SMARCA5: variants seen among roughly 807,000 people sequenced by gnomAD.
SMARCA5 encodes the protein SWI/SNF-related matrix-associated actin-dependent regulator of chromatin subfamily A member 5.
In SMARCA5, 18 loss-of-function variants were observed where a neutral mutation model predicts 140.4. The ratio of observed to expected loss-of-function variants is 0.13; its 90% CI spans 0.09 to 0.19. SMARCA5 has a LOEUF of 0.19. Among genes scored for constraint, SMARCA5 ranks in the 10% least tolerant of loss-of-function variants. The probability of loss-of-function intolerance (pLI) is 1.00; values close to 1 mark genes in which losing one functional copy is unlikely to be tolerated. For synonymous variants in SMARCA5, 449 were observed against 419.6 expected (o/e 1.07, Z -0.86); for missense variants, 606 against 1,276.8 (o/e 0.47, Z 8.01).
At position 143,521,589 on chromosome 4, in the gene SMARCA5, T is replaced by C. The variant is rs751905457; in HGVS notation, c.413T>C (p.Val138Ala). Residue 138 changes from valine (V) to alanine (A), a missense_variant, in exon 3 of 24, where the codon GTT becomes GCT. By Grantham distance (64) the Val-to-Ala change is moderately conservative (BLOSUM62 0). This residue lies in a region of SMARCA5 where 110 missense variants were observed against 287.7 expected (regional missense o/e 0.38). Coordinates refer to ENST00000283131, the MANE Select transcript of SMARCA5 (RefSeq NM_003601.4). ...GATGAGAAGCAGAACTTACTATCCG[T>C]TGGCGAGTGAGTAATAGTTTAAACT... ...KKDEKQNLLSVGDYRHRRTEQ... is the reference protein window; with the variant it reads ...KKDEKQNLLSAGDYRHRRTEQ... 9 of 1,610,418 alleles carry C rather than the reference T, an allele frequency of 5.6e-6. No individual in the cohort carries two copies. Among genetic ancestry groups the C allele is most frequent in the Non-Finnish European group, 6.8e-6 (8 of 1,178,702 alleles).
chr4:143,518,493 C>T (rs1230335875), intron 2 of SMARCA5, among the ~76,000 whole-genome samples: 2 of 152,080 alleles, frequency 1.3e-5, no homozygotes, highest in Non-Finnish European at 2.9e-5. Flanking sequence ...GTCTTCAGTA[C>T]CCAGAACAGT....
At chr4:143,525,366 C>G (rs2292362) in intron 4 of SMARCA5, 85 bp from the exon 5 acceptor site, 181,861 of 819,282 alleles carry the variant, frequency 0.22, 23,581 homozygotes, top group East Asian at 0.57. Flanking sequence ...AAAATAAAGT[C>G]AGTAGATATG....
At chr4:143,541,742 G>A (rs144153499) in intron 14 of SMARCA5, among the ~76,000 whole-genome samples, 47 of 152,232 alleles carry the variant, frequency 3.1e-4, no homozygotes, top group African/African-American at 1.1e-3. Context: ...CTGCCACCCC[G>A]TGATGTTATC....
chr4:143,526,532 C>A, intron 6 of SMARCA5, 72 bp downstream of exon 6: 1 of 934,942 alleles, frequency 1.1e-6, no homozygotes, highest in Non-Finnish European at 1.7e-6. Flanking sequence ...ATGGGTATAG[C>A]TGGAAGAAGG....
Position 143,545,453 on chromosome 4 carries a change from T to C in SMARCA5, c.2284-17T>C, listed in dbSNP as rs750833452. 23 of 1,520,650 alleles carry C rather than the reference T, an allele frequency of 1.5e-5. No individual in the cohort carries two copies. The South Asian group carries it at 1.8e-4, about 12-fold the overall frequency. The allele number at this position is 1,520,650 out of a possible 1,614,324, so 94.2% of individuals were successfully genotyped here. On this transcript the variant is annotated splice_polypyrimidine_tract_variant and intron_variant, in intron 17 of 23. Coordinates refer to ENST00000283131, the MANE Select transcript of SMARCA5 (RefSeq NM_003601.4). ...ATTTCTTTTTTATGGATAACACTTA[T>C]TTTTGTTTTTCTTTAGGCTCCTCGA...
chr4:143,525,366 C>T, intron 4 of SMARCA5, 85 bp from the exon 5 acceptor site: 1 of 820,302 alleles, frequency 1.2e-6, no homozygotes, highest in South Asian at 1.4e-5. Flanking sequence ...AAAATAAAGT[C>T]AGTAGATATG....
chr4:143,516,574 TAAC>T (rs1479523247), intron 1 of SMARCA5, among the ~76,000 whole-genome samples: 3 of 152,196 alleles, frequency 2.0e-5, no homozygotes, highest in African/African-American at 7.2e-5. Flanking sequence ...CCAAGGGTCT[TAAC>T]AATGAAGTTA....
chr4:143,549,429 A>G (rs1031144918), intron 22 of SMARCA5, among the ~76,000 whole-genome samples: 4 of 152,086 alleles, frequency 2.6e-5, no homozygotes, highest in African/African-American at 9.7e-5. Context: ...TGCTACTTCT[A>G]TGTTATACTT....
chr4:143,534,258 G>C (rs1028109917), intron 9 of SMARCA5, among the ~76,000 whole-genome samples: 1 of 152,002 alleles, frequency 6.6e-6, no homozygotes, highest in African/African-American at 2.4e-5. Context: ...GTCTGGAACT[G>C]AGCCTACAAT....
chr4:143,530,448 G>T lies in SMARCA5; in HGVS notation c.1090-10G>T, dbSNP rs1365702194. The T allele has an allele frequency of 1.3e-6, 2 of 1,599,910 alleles. No individual in the cohort carries two copies. The highest frequency in any genetic ancestry group is 1.7e-6 in the Non-Finnish European group (2 of 1,171,366). ...TCTGATCTGAGTATATTTTTTGTTT[G>T]TTTATCTAGGACTTTGATTCCTGGT... On this transcript the variant is annotated splice_polypyrimidine_tract_variant and intron_variant, in intron 8 of 23. Transcript: ENST00000283131.
intron 13 of SMARCA5, 72 bp from the exon 14 acceptor site, chr4:143,540,290 CT>C (rs1737403369): frequency 8.6e-7 from 1 of 1,166,974 alleles, no homozygotes; most frequent in Admixed American, 2.7e-5. Context: ...AATTTTTTTT[CT>C]CAGTGTACCC....
intron 10 of SMARCA5, 133 bp from the exon 11 acceptor site, chr4:143,536,319 A>AT: frequency 1.5e-6 from 1 of 646,256 alleles, no homozygotes. Flanking sequence ...ATTCCTAACC[A>AT]TACCTAGAAG....
chr4:143,539,824 A>G (rs1274125700), intron 13 of SMARCA5, among the ~76,000 whole-genome samples: 1 of 152,118 alleles, frequency 6.6e-6, no homozygotes, highest in East Asian at 1.9e-4. Context: ...GGAGTGAGCT[A>G]CTACACCCAG....
chr4:143,548,600 C>T (rs984185173), intron 22 of SMARCA5, among the ~76,000 whole-genome samples: 1 of 151,976 alleles, frequency 6.6e-6, no homozygotes, highest in Non-Finnish European at 1.5e-5. Flanking sequence ...TTTTTATTCC[C>T]AATATCTGAC....
chr4:143,555,296 C>CT lies in SMARCA5; in HGVS notation c.*2116dup. 1.3e-6 allele frequency: 1 copy of CT among 774,414 alleles called. No individual in the cohort carries two copies. The allele number at this position is 774,414 out of a possible 1,614,324, so 48.0% of individuals were successfully genotyped here. On this transcript the variant is annotated 3_prime_UTR_variant, in exon 24 of 24. Transcript: ENST00000283131. Reference sequence around the variant, plus strand: ...GTTGTCATTGCCAAAATCATTGTAGCTTTTACCACCTCCAAAATTGCTTCA... The same window carrying CT: ...GTTGTCATTGCCAAAATCATTGTAGCTTTTTACCACCTCCAAAATTGCTTCA...
chr4:143,546,034 A>C lies in SMARCA5; in HGVS notation c.2507A>C (p.Lys836Thr). The C allele has an allele frequency of 6.2e-7, 1 of 1,602,596 alleles. No homozygotes were observed. The highest frequency in any genetic ancestry group is 1.1e-5 in the South Asian group (1 of 89,410). Residue 836 changes from lysine (K) to threonine (T), a missense_variant, in exon 19 of 24, where the codon AAG becomes ACG. By Grantham distance (78) the Lys-to-Thr change is moderately conservative. This residue lies in a region of SMARCA5 where 121 missense variants were observed against 227.1 expected (regional missense o/e 0.53). Coordinates refer to ENST00000283131, the MANE Select transcript of SMARCA5 (RefSeq NM_003601.4). ...LNDEELEEKE[K>T]LLTQGFTNWN... ...GATGAAGAGTTAGAGGAAAAAGAGA[A>C]GCTTCTAACACAGGTATAGCCTTTA...
rs202006062 is a variant in SMARCA5 at position 143,553,987 on chromosome 4, A to G, written c.*803A>G. ...AGAACTAAGGTGATTTTTTTTTTTT[A>G]ATTTTGAAAGCCCAGCCAAAATGAG... On this transcript the variant is annotated 3_prime_UTR_variant, in exon 24 of 24. Coordinates refer to ENST00000283131, the MANE Select transcript of SMARCA5 (RefSeq NM_003601.4). 1 of 137,430 alleles carries G rather than the reference A, an allele frequency of 7.3e-6. No individual in the cohort carries two copies. The highest frequency in any genetic ancestry group is 1.6e-5 in the Non-Finnish European group (1 of 62,184). The allele number at this position is 137,430 out of a possible 1,614,324, so 8.5% of individuals were successfully genotyped here.
rs545859864 is a variant in SMARCA5, at chr4:143,533,921, A to T, written c.1159-934A>T. On this transcript the variant is annotated intron_variant, in intron 9 of 23. Coordinates refer to ENST00000283131, the MANE Select transcript of SMARCA5 (RefSeq NM_003601.4). ...AACAAGTATATACTCAAACATATAC[A>T]GGCACATCTCATTACCCTTTGCAGT... 8.5e-5 allele frequency among the ~76,000 whole-genome samples: 13 copies of T among 152,308 alleles called. No homozygotes were observed. The East Asian group carries it at 2.1e-3, about 25-fold the overall frequency.
intron 2 of SMARCA5, among the ~76,000 whole-genome samples, chr4:143,518,876 ACT>A (rs1271208752): frequency 2.0e-5 from 3 of 151,752 alleles, no homozygotes; most frequent in Admixed American, 6.6e-5. Context: ...ATTCTGACAC[ACT>A]CTGCTGGTGA....
Sources: gnomAD v4.1 joint callset for allele counts (sites outside exome capture counted in the v4.1 genomes callset) on GRCh38, gnomAD v4.1.1 for gene constraint, gnomAD v4.1.1 regional missense constraint, MANE v1.5 for transcripts, NCBI Gene and HGNC (gene_info 2026-07-23, HGNC 2026-07-21) for gene names.